Variants in SPON1 observed in about 807,000 individuals in gnomAD.
The protein encoded by SPON1 is spondin 1.
Under a neutral mutation model 111.7 loss-of-function variants are expected in SPON1, and 52 were observed. The observed-to-expected ratio is 0.47, with a 90% CI of 0.37 to 0.59. The LOEUF (loss-of-function observed/expected upper bound fraction) is 0.59. Among genes scored for constraint, SPON1 ranks in the 20% least tolerant of loss-of-function variants. SPON1 has a pLI of 0.00. For synonymous variants in SPON1, 410 were observed against 395.8 expected (o/e 1.04, Z -0.43); for missense variants, 957 against 1,068.5 (o/e 0.90, Z 1.46).
At chr11:14,193,024 A>G (rs1285627454) in intron 6 of SPON1, among the ~76,000 whole-genome samples, 4 of 152,178 alleles carry the variant, frequency 2.6e-5, no homozygotes, top group Admixed American at 6.5e-5. Flanking sequence ...TATGCAAAAG[A>G]CGGATAAATT....
intron 2 of SPON1, among the ~76,000 whole-genome samples, chr11:14,032,364 G>A (rs1191629918): frequency 6.6e-6 from 1 of 152,134 alleles, no homozygotes; most frequent in Admixed American, 6.5e-5. Context: ...ATATCTGTAT[G>A]GAGTAATTAT....
chr11:14,066,089 C>A (rs1173982641), intron 3 of SPON1, among the ~76,000 whole-genome samples: 2 of 152,174 alleles, frequency 1.3e-5, no homozygotes, highest in African/African-American at 4.8e-5. Flanking sequence ...TGTCCCTTGA[C>A]TAGTAATACC....
At chr11:14,125,546 G>C (rs1376960450) in intron 5 of SPON1, among the ~76,000 whole-genome samples, 3 of 152,200 alleles carry the variant, frequency 2.0e-5, no homozygotes, top group African/African-American at 7.2e-5. Context: ...TGAGGCTGAG[G>C]TTAGACAACA....
chr11:14,169,118 A>G (rs1245464068), intron 6 of SPON1, among the ~76,000 whole-genome samples: 1 of 152,234 alleles, frequency 6.6e-6, no homozygotes, highest in African/African-American at 2.4e-5. Context: ...ATTCTCACCA[A>G]TAGTGTGAAA....
chr11:14,056,852 C>T (rs1591363412), intron 3 of SPON1, among the ~76,000 whole-genome samples: 1 of 152,236 alleles, frequency 6.6e-6, no homozygotes, highest in East Asian at 1.9e-4. Flanking sequence ...GATCGCGCCA[C>T]TGCACTCCAG....
intron 2 of SPON1, among the ~76,000 whole-genome samples, chr11:13,995,268 T>C (rs940538143): frequency 7.3e-5 from 11 of 150,608 alleles, no homozygotes; most frequent in Non-Finnish European, 2.9e-5. Flanking sequence ...TACTAGGCTC[T>C]GTGATATGGA....
chr11:14,195,674 T>G (rs1310507002), intron 6 of SPON1, among the ~76,000 whole-genome samples: 2 of 152,196 alleles, frequency 1.3e-5, no homozygotes, highest in African/African-American at 2.4e-5. Context: ...GTTCATGGCA[T>G]GCAGAGGCTG....
rs553404390 is a variant in SPON1 at position 14,097,124 on chromosome 11, C to T, written c.676+17103C>T. Among the ~76,000 whole-genome samples the T allele has an allele frequency of 5.0e-4, 76 of 152,254 alleles. No homozygotes were observed. The Middle Eastern group carries it at 0.01, about 20-fold the overall frequency. ...CTCTGGGTCTGTGGCTAAACTCAGA[C>T]GCCAATCCAGTTCCCATTCCCAAAT... On this transcript the variant is annotated intron_variant, in intron 5 of 15. Transcript: ENST00000576479.
intron 5 of SPON1, among the ~76,000 whole-genome samples, chr11:14,112,384 A>G (rs190753957): frequency 6.6e-6 from 1 of 152,334 alleles, no homozygotes; most frequent in Non-Finnish European, 1.5e-5. Context: ...CTAAAGCTTT[A>G]TTAAGCATGT....
intron 5 of SPON1, among the ~76,000 whole-genome samples, chr11:14,081,962 C>T (rs919410135): frequency 1.3e-5 from 2 of 152,200 alleles, no homozygotes; most frequent in African/African-American, 4.8e-5. Context: ...GCCTGATCTG[C>T]ATCAGCTGTG....
chr11:14,079,387 C>A (rs1223293327), intron 4 of SPON1, among the ~76,000 whole-genome samples: 8 of 151,968 alleles, frequency 5.3e-5, no homozygotes, highest in Admixed American at 1.3e-4. Context: ...TTTTTTTTCT[C>A]CCTTCAGTAA....
intron 5 of SPON1, among the ~76,000 whole-genome samples, chr11:14,125,464 T>A (rs1847447705): frequency 6.6e-6 from 1 of 152,168 alleles, no homozygotes; most frequent in African/African-American, 2.4e-5. Flanking sequence ...CTGTCATATA[T>A]AACTACTATA....
chr11:14,058,196 C>T (rs1364147467), intron 3 of SPON1, among the ~76,000 whole-genome samples: 4 of 152,106 alleles, frequency 2.6e-5, no homozygotes, highest in South Asian at 2.1e-4. Context: ...CAGGCAAGGA[C>T]TTGCCAGACC....
chr11:14,259,263 C>T lies in SPON1; in HGVS notation c.1493-17C>T. The T allele has an allele frequency of 6.3e-7, 1 of 1,599,720 alleles. No individual in the cohort carries two copies. The highest frequency in any genetic ancestry group is 8.5e-7 in the Non-Finnish European group (1 of 1,172,864). ...TGCCACCGTGCACTGCTGCAGCGTTCACTCGGTGTGTTGCAGACGGCTCCA... is the reference window on the plus strand; with the variant it reads ...TGCCACCGTGCACTGCTGCAGCGTTTACTCGGTGTGTTGCAGACGGCTCCA... On this transcript the variant is annotated splice_polypyrimidine_tract_variant and intron_variant, in intron 11 of 15. Transcript: ENST00000576479. This position sits in a 1 kb window ranked among gnomAD's most constrained non-coding sequence, Gnocchi z 5.0.
intron 6 of SPON1, among the ~76,000 whole-genome samples, chr11:14,236,185 C>A (rs1848865081): frequency 6.6e-6 from 1 of 152,118 alleles, no homozygotes; most frequent in Admixed American, 6.5e-5. Context: ...TGCTAGGAAG[C>A]AACTGCACTC....
At chr11:14,238,499 G>A (rs1283784306) in intron 6 of SPON1, among the ~76,000 whole-genome samples, 1 of 152,102 alleles carries the variant, frequency 6.6e-6, no homozygotes, top group Non-Finnish European at 1.5e-5. Flanking sequence ...TGCAGAGGAG[G>A]GTCAGCGTGG....
At chr11:14,051,382 C>T (rs1848706137) in intron 3 of SPON1, among the ~76,000 whole-genome samples, 1 of 151,956 alleles carries the variant, frequency 6.6e-6, no homozygotes, top group South Asian at 2.1e-4. Flanking sequence ...AAAAAATAAA[C>T]AAAATTAGCC....
At chr11:14,190,833 G>T (rs111336871) in intron 6 of SPON1, among the ~76,000 whole-genome samples, 1,772 of 151,874 alleles carry the variant, frequency 0.012, 17 homozygotes, top group Non-Finnish European at 0.019. Flanking sequence ...TAGAGGTGGG[G>T]TTTCACCACC....
At chr11:14,150,806 G>A (rs1179573114) in intron 6 of SPON1, among the ~76,000 whole-genome samples, 1 of 152,172 alleles carries the variant, frequency 6.6e-6, no homozygotes, top group Non-Finnish European at 1.5e-5. Flanking sequence ...AGGACACAGG[G>A]AGCACAGTGT....
Sources: allele counts gnomAD v4.1 joint callset (sites outside exome capture counted in the v4.1 genomes callset), GRCh38; gene constraint gnomAD v4.1.1; non-coding constraint Gnocchi (gnomAD v3.1); transcripts MANE v1.5; gene names NCBI Gene and HGNC (gene_info 2026-07-23, HGNC 2026-07-21).